Variants in PTPRT observed in about 807,000 individuals in gnomAD.
PTPRT encodes the protein receptor-type tyrosine-protein phosphatase T.
Under a neutral mutation model 176.8 loss-of-function variants are expected in PTPRT, and 56 were observed. The ratio of observed to expected loss-of-function variants is 0.32; its 90% CI spans 0.26 to 0.40. The LOEUF (loss-of-function observed/expected upper bound fraction) is 0.40, where lower values mean the gene tolerates loss of function less well. Ranked by LOEUF, PTPRT falls within the 10% of genes least tolerant of loss-of-function variation. The probability of loss-of-function intolerance (pLI) is 1.00; values close to 1 mark genes in which losing one functional copy is unlikely to be tolerated. For missense variants in PTPRT, 1,540 were observed against 1,908.2 expected (o/e 0.81, Z 3.60); for synonymous variants, 783 against 739.0 (o/e 1.06, Z -0.96).
chr20:43,102,342 C>G (rs911560986), intron 1 of PTPRT, among the ~76,000 whole-genome samples: 3 of 148,440 alleles, frequency 2.0e-5, no homozygotes, highest in Non-Finnish European at 4.4e-5. Context: ...TGAGGAGACC[C>G]CAGACATCTT....
chr20:42,230,590 A>G (rs1428894524), intron 15 of PTPRT, among the ~76,000 whole-genome samples: 1 of 152,182 alleles, frequency 6.6e-6, no homozygotes, highest in Non-Finnish European at 1.5e-5. Flanking sequence ...TGCTATTTAT[A>G]AAATACCTAC....
the PTPRT span, among the ~76,000 whole-genome samples, chr20:42,034,952 C>T: frequency 6.6e-6 from 1 of 152,128 alleles, no homozygotes; most frequent in Non-Finnish European, 1.5e-5. Flanking sequence ...CTCTAGGACC[C>T]TGGGTTGGGG....
At chr20:42,044,162 G>A in the PTPRT span, among the ~76,000 whole-genome samples, 1 of 152,228 alleles carries the variant, frequency 6.6e-6, no homozygotes, top group Admixed American at 6.5e-5. Flanking sequence ...GGAGGGGTAA[G>A]CCAAGGGCTT....
chr20:42,153,680 C>T (rs1989228705), intron 17 of PTPRT, among the ~76,000 whole-genome samples: 1 of 152,162 alleles, frequency 6.6e-6, no homozygotes, highest in Non-Finnish European at 1.5e-5. Context: ...TTGGGGATCC[C>T]CATAACTCAC....
At chr20:42,273,912 C>T (rs1854270124) in intron 13 of PTPRT, among the ~76,000 whole-genome samples, 1 of 152,232 alleles carries the variant, frequency 6.6e-6, no homozygotes, top group African/African-American at 2.4e-5. Context: ...TCTAGGTCTG[C>T]AACCCATGCT....
chr20:42,305,769 G>A (rs997093355), intron 12 of PTPRT, among the ~76,000 whole-genome samples: 2 of 152,212 alleles, frequency 1.3e-5, no homozygotes, highest in Admixed American at 6.5e-5. Flanking sequence ...AGGGGAAACT[G>A]AGGTTTGGCA....
chr20:42,932,982 G>T (rs940572462), intron 1 of PTPRT, among the ~76,000 whole-genome samples: 1 of 152,002 alleles, frequency 6.6e-6, no homozygotes, highest in African/African-American at 2.4e-5. Context: ...TCCTCTATAG[G>T]GATCCTTCCA....
intron 7 of PTPRT, among the ~76,000 whole-genome samples, chr20:42,620,352 G>C (rs2074168121): frequency 6.7e-6 from 1 of 148,998 alleles, no homozygotes; most frequent in South Asian, 2.1e-4. Flanking sequence ...AAAGCTGTCA[G>C]ACAGGGACAC....
At chr20:42,257,656 C>CCCCA (rs1379631907) in intron 13 of PTPRT, among the ~76,000 whole-genome samples, 1 of 98,980 alleles carries the variant, frequency 1.0e-5, no homozygotes, top group Non-Finnish European at 2.0e-5. Context: ...CCCCCCCCCC[C>CCCCA]GCCCACTACT....
chr20:42,445,738 T>C lies in PTPRT; in HGVS notation c.1560+2482A>G, dbSNP rs375958248. Among the ~76,000 whole-genome samples the C allele has an allele frequency of 2.4e-4, 36 of 152,300 alleles. No homozygotes were observed. In the South Asian group the frequency reaches 6.8e-3, roughly 29 times the overall value. ...AGCTACCTGAAGATGTCTTTCATCA[T>C]AGTTGTCTCCCATAGAATCCATGGG... On this transcript the variant is annotated intron_variant, in intron 9 of 30. Transcript: ENST00000373187.
At chr20:42,523,175 T>G (rs370146491) in intron 7 of PTPRT, among the ~76,000 whole-genome samples, 3 of 152,278 alleles carry the variant, frequency 2.0e-5, no homozygotes, top group Admixed American at 6.5e-5. Flanking sequence ...AAATTTGATG[T>G]TTGAGCTTTC....
chr20:42,788,989 A>T (rs1296231272), intron 3 of PTPRT, among the ~76,000 whole-genome samples: 1 of 152,210 alleles, frequency 6.6e-6, no homozygotes. Context: ...ATTTTACTTA[A>T]CTTCAGTTAC....
intron 19 of PTPRT, among the ~76,000 whole-genome samples, chr20:42,127,108 T>C (rs1987894836): frequency 6.6e-6 from 1 of 152,222 alleles, no homozygotes; most frequent in South Asian, 2.1e-4. Flanking sequence ...AAACAGAGAA[T>C]AGTGGGGCAA....
intron 7 of PTPRT, among the ~76,000 whole-genome samples, chr20:42,589,933 G>A (rs2073539876): frequency 6.6e-6 from 1 of 152,122 alleles, no homozygotes; most frequent in African/African-American, 2.4e-5. Context: ...ATGTGATCTT[G>A]TCACTCCCCA....
chr20:43,091,956 G>C (rs958022051), intron 1 of PTPRT, among the ~76,000 whole-genome samples: 1 of 152,226 alleles, frequency 6.6e-6, no homozygotes, highest in Non-Finnish European at 1.5e-5. Flanking sequence ...CATGCCCTGA[G>C]TCTAGCAACT....
intron 9 of PTPRT, among the ~76,000 whole-genome samples, chr20:42,435,430 C>T (rs1183213153): frequency 6.6e-6 from 1 of 152,034 alleles, no homozygotes; most frequent in Middle Eastern, 3.2e-3. Context: ...ATGAGTTGGC[C>T]ATGGAAGAGG....
intron 1 of PTPRT, among the ~76,000 whole-genome samples, chr20:43,007,703 G>A (rs1342204071): frequency 6.6e-6 from 1 of 152,128 alleles, no homozygotes; most frequent in Non-Finnish European, 1.5e-5. Flanking sequence ...ATTGTCCGGC[G>A]ACTTCAAAAT....
chr20:42,607,874 A>T (rs1203259815), intron 7 of PTPRT, among the ~76,000 whole-genome samples: 1 of 152,120 alleles, frequency 6.6e-6, no homozygotes, highest in Non-Finnish European at 1.5e-5. Flanking sequence ...CAGTGCCCAC[A>T]GCCTTACCCT....
intron 1 of PTPRT, among the ~76,000 whole-genome samples, chr20:42,936,678 T>C (rs1262315866): frequency 1.3e-5 from 2 of 152,140 alleles, no homozygotes; most frequent in Non-Finnish European, 1.5e-5. Context: ...AATGATGACG[T>C]AATCTGGGGC....
Sources: gnomAD v4.1 joint callset for allele counts (sites outside exome capture counted in the v4.1 genomes callset) on GRCh38, gnomAD v4.1.1 for gene constraint, MANE v1.5 for transcripts, NCBI Gene and HGNC (gene_info 2026-07-23, HGNC 2026-07-21) for gene names.